Variants in RNF207 observed in about 807,000 individuals in gnomAD.
RNF207 encodes the protein ring finger protein 207, also known as OTTHUMG00000001089.
A neutral mutation model predicts 79.0 loss-of-function variants in RNF207; 72 were observed. The ratio of observed to expected loss-of-function variants is 0.91; its 90% confidence interval spans 0.75 to 1.11. RNF207 has a LOEUF of 1.11. Among genes scored for constraint, RNF207 ranks in the 50% least tolerant of loss-of-function variants. The probability of loss-of-function intolerance (pLI) is 0.00; values close to 1 mark genes in which losing one functional copy is unlikely to be tolerated. For missense variants in RNF207, 936 were observed against 855.8 expected (o/e 1.09, Z -1.17); for synonymous variants, 348 against 366.2 (o/e 0.95, Z 0.57).
intron 3 of RNF207, chr1:6,208,468 G>A (rs958050612): frequency 2.4e-4 from 40 of 169,164 alleles, no homozygotes; most frequent in Non-Finnish European, 4.2e-4. Context: ...CCAGGCGCCC[G>A]CCACCATGCC....
In RNF207 at chr1:6,207,850, C is replaced by CT; in HGVS notation, c.324+340dup. On this transcript the variant is annotated intron_variant, in intron 3 of 17. Transcript: ENST00000377939. This position sits in a 1 kb window ranked among gnomAD's most constrained non-coding sequence, Gnocchi z 4.5. Reference sequence around the variant, plus strand: ...CTGGGCCGACCCTGAAGGGCCTCTGCTACCCAAGTGGCATAGAAGCAGCTA... The same window carrying CT: ...CTGGGCCGACCCTGAAGGGCCTCTGCTTACCCAAGTGGCATAGAAGCAGCTA... The CT allele has an allele frequency of 2.0e-6, 1 of 487,842 alleles. No homozygotes were observed. Among genetic ancestry groups the CT allele is most frequent in the South Asian group, 1.8e-5 (1 of 56,698 alleles). The allele number at this position is 487,842 out of a possible 1,614,324, so 30.2% of individuals were successfully genotyped here. A position where few individuals can be genotyped will look rare whatever the true frequency, so the allele number is the denominator to read the frequency against.
At chr1:6,210,678 C>T (rs1668125269) in intron 10 of RNF207, 192 bp from the exon 11 acceptor site, 1 of 656,530 alleles carries the variant, frequency 1.5e-6, no homozygotes, top group African/African-American at 1.8e-5. Flanking sequence ...CCACTGGAGT[C>T]CAGCCGCCCC....
chr1:6,219,179 G>A (rs1350756804), intron 17 of RNF207, 57 bp from the exon 18 acceptor site: 6 of 1,493,596 alleles, frequency 4.0e-6, no homozygotes, highest in Non-Finnish European at 4.5e-6. Flanking sequence ...GGATTTTAGT[G>A]CAGGGATATG....
Position 6,209,022 on chromosome 1 carries a change from T to C in RNF207, c.466T>C (p.Cys156Arg). 6.9e-7 allele frequency: 1 copy of C among 1,446,404 alleles called. No individual in the cohort carries two copies. Among genetic ancestry groups the C allele is most frequent in the Non-Finnish European group, 9.1e-7 (1 of 1,095,234 alleles). The allele number at this position is 1,446,404 out of a possible 1,614,324, so 89.6% of individuals were successfully genotyped here. A position where few individuals can be genotyped will look rare whatever the true frequency, so the allele number is the denominator to read the frequency against. Residue 156 changes from cysteine (C) to arginine (R), a missense_variant, in exon 4 of 18, where the codon TGC (cysteine) becomes CGC (arginine). Coordinates refer to ENST00000377939, the MANE Select transcript of RNF207 (RefSeq NM_207396.3). ...GQRSRDVPQKCTLHAEPYLLF... is the reference protein window; with the variant it reads ...GQRSRDVPQKRTLHAEPYLLF... ...GCGAAGCCGCGACGTGCCCCAGAAG[T>C]GCAGTGAGTGAGGCTTGCGGGGCCG...
intron 15 of RNF207, 128 bp downstream of exon 15, chr1:6,212,861 C>T (rs1014699634): frequency 2.7e-5 from 24 of 877,584 alleles, no homozygotes; most frequent in Middle Eastern, 3.0e-4. Flanking sequence ...AGCGCTTGAC[C>T]GTGCCTCCCA....
chr1:6,208,853 C>T (rs770964572), intron 3 of RNF207, 28 bp from the exon 4 acceptor site: 6 of 1,517,004 alleles, frequency 4.0e-6, no homozygotes, highest in Middle Eastern at 1.9e-4. Context: ...CGGGCTCTGG[C>T]GCTCCTGAGC....
rs1003681504 is a variant in RNF207, at chr1:6,210,430, C to T, written c.934C>T (p.Leu312=). The T allele has an allele frequency of 6.2e-7, 1 of 1,613,076 alleles. No homozygotes were observed. The highest frequency in any genetic ancestry group is 8.5e-7 in the Non-Finnish European group (1 of 1,179,742). Residue 312 remains leucine, a synonymous_variant, in exon 10 of 18, where the codon CTG becomes TTG. Coordinates refer to ENST00000377939, the MANE Select transcript of RNF207 (RefSeq NM_207396.3). ...GGCCAACAAGGCTGAGTTCCTGGAC[C>T]TGGGCTATGTGAGTCTCCTCTGCTC... The part of the protein sequence containing the change: ...SLANKAEFLD[L]GYELMERLQG...
In RNF207 at chr1:6,209,410, C is replaced by A; in HGVS notation, c.628-4C>A. On this transcript the variant is annotated splice_region_variant and splice_polypyrimidine_tract_variant and intron_variant, in intron 6 of 17. Transcript: ENST00000377939. ...TCGCGAGCCTGACCACGCCCTGTCC[C>A]CAGGCCGTGAAGGCCCTGCAGACGG... 1.3e-6 allele frequency: 2 copies of A among 1,522,846 alleles called. No individual in the cohort carries two copies. The highest frequency in any genetic ancestry group is 8.8e-7 in the Non-Finnish European group (1 of 1,140,228). 94.3% of individuals were successfully genotyped at this position (1,522,846 alleles called of 1,614,324 possible).
In RNF207 at chr1:6,211,836, C is replaced by T. The variant is rs1324877585; in HGVS notation, c.1110-31C>T. ...CTGGGGGAGGGGCAGACTTCCCCAC[C>T]CCCCTGCATCCACACTGGCTCTCTC... On this transcript the variant is annotated intron_variant, in intron 12 of 17. Transcript: ENST00000377939. The surrounding 1 kb of genome is among the most constrained non-coding windows in gnomAD (Gnocchi z 4.2). 3 of 1,518,632 alleles carry T rather than the reference C, an allele frequency of 2.0e-6. No individual in the cohort carries two copies. Among genetic ancestry groups the T allele is most frequent in the South Asian group, 1.2e-5 (1 of 82,684 alleles). 94.1% of individuals were successfully genotyped at this position (1,518,632 alleles called of 1,614,324 possible).
rs1168603182 is a variant in RNF207 at position 6,208,972 on chromosome 1, G to A, written c.416G>A (p.Arg139His). 6 of 1,505,642 alleles carry A rather than the reference G, an allele frequency of 4.0e-6. No individual in the cohort carries two copies. Among genetic ancestry groups the A allele is most frequent in the Non-Finnish European group, 5.3e-6 (6 of 1,127,692 alleles). 93.3% of individuals were successfully genotyped at this position (1,505,642 alleles called of 1,614,324 possible). ...ACGCACCGAGCACGCATGTTCGCGCGCCACGACATCGTGGCCCTGGGTCAG... is the reference window on the plus strand; with the variant it reads ...ACGCACCGAGCACGCATGTTCGCGCACCACGACATCGTGGCCCTGGGTCAG... ...DETHRARMFA[R>H]HDIVALGQRS... The change falls in exon 4 of 18, where the codon CGC becomes CAC. Residue 139 changes from arginine (R) to histidine (H), a missense_variant. Arg to His is a conservative substitution (Grantham distance 29). Coordinates refer to ENST00000377939, the MANE Select transcript of RNF207 (RefSeq NM_207396.3).
intron 7 of RNF207, 54 bp downstream of exon 7, chr1:6,209,593 G>A: frequency 7.0e-7 from 1 of 1,420,162 alleles, no homozygotes. Flanking sequence ...GGTGACACAG[G>A]GCTGGTCCCT....
intron 16 of RNF207, among the ~76,000 whole-genome samples, chr1:6,213,859 G>A (rs61760806): frequency 0.019 from 2,933 of 152,298 alleles, 45 homozygotes; most frequent in Non-Finnish European, 0.03. Flanking sequence ...GGATCTTGGT[G>A]GCAAGTCTTC....
At chr1:6,208,766 A>C (rs1179923955) in intron 3 of RNF207, 115 bp from the exon 4 acceptor site, 1 of 1,089,886 alleles carries the variant, frequency 9.2e-7, no homozygotes, top group Non-Finnish European at 1.3e-6. Flanking sequence ...GGCTGCGTTT[A>C]GCTGCGCACC....
chr1:6,218,200 G>C, intron 16 of RNF207, 89 bp from the exon 17 acceptor site: 1 of 828,188 alleles, frequency 1.2e-6, no homozygotes, highest in African/African-American at 1.7e-5. Flanking sequence ...ATGAGTGGTG[G>C]CAGAGTCTGG....
chr1:6,212,794 G>T, intron 15 of RNF207, 61 bp downstream of exon 15: 1 of 1,389,126 alleles, frequency 7.2e-7, no homozygotes, highest in Non-Finnish European at 1.0e-6. Context: ...CATACTAGCA[G>T]AGGAGGAAGT....
At chr1:6,214,870 C>T (rs542882931) in intron 16 of RNF207, among the ~76,000 whole-genome samples, 71 of 151,796 alleles carry the variant, frequency 4.7e-4, no homozygotes, top group African/African-American at 1.7e-3. Flanking sequence ...CACCTGACCT[C>T]GTCATCTACC....
In RNF207 at chr1:6,220,526, T is replaced by C. The variant is rs1397201361; in HGVS notation, c.*1119T>C. 1 of 152,192 alleles carries C rather than the reference T, an allele frequency of 6.6e-6. No individual in the cohort carries two copies. The highest frequency in any genetic ancestry group is 1.9e-4 in the East Asian group (1 of 5,190). The allele number at this position is 152,192 out of a possible 1,614,324, so 9.4% of individuals were successfully genotyped here. On this transcript the variant is annotated 3_prime_UTR_variant, in exon 18 of 18. Coordinates refer to ENST00000377939, the MANE Select transcript of RNF207 (RefSeq NM_207396.3). ...ATCTGAGCAGTGACTCATGGAAGGA[T>C]GAGGAACGTTTGCTCCAGCTTCTCT...
rs1302304114 is a variant in RNF207, at chr1:6,209,417, G to T, written c.631G>T (p.Val211Leu). ...CERLEQAVLA[V>L]KALQTATREA... Reference sequence around the variant, plus strand: ...CCTGACCACGCCCTGTCCCCAGGCCGTGAAGGCCCTGCAGACGGCCACGCG... The same window carrying T: ...CCTGACCACGCCCTGTCCCCAGGCCTTGAAGGCCCTGCAGACGGCCACGCG... The change falls in exon 7 of 18, where the codon GTG becomes TTG. Residue 211 changes from valine to leucine, a missense_variant. Physicochemically the swap from Val to Leu is conservative, Grantham distance 32. Transcript: ENST00000377939. The T allele has an allele frequency of 3.3e-6, 5 of 1,520,786 alleles. No homozygotes were observed. The highest frequency in any genetic ancestry group is 4.4e-6 in the Non-Finnish European group (5 of 1,139,520). The allele number at this position is 1,520,786 out of a possible 1,614,324, so 94.2% of individuals were successfully genotyped here.
intron 1 of RNF207, 40 bp downstream of exon 1, chr1:6,206,342 T>G (rs986277733): frequency 6.9e-6 from 4 of 576,320 alleles, no homozygotes; most frequent in Non-Finnish European, 1.2e-5. Context: ...CCTCACTGCC[T>G]GTTCTCCCTG....
Sources: allele counts gnomAD v4.1 joint callset (sites outside exome capture counted in the v4.1 genomes callset), GRCh38; gene constraint gnomAD v4.1.1; non-coding constraint Gnocchi (gnomAD v3.1); transcripts MANE v1.5; gene names NCBI Gene and HGNC (gene_info 2026-07-23, HGNC 2026-07-21).